The following CLVS1 variants were observed in gnomAD, a reference collection of about 807,000 sequenced individuals.
The protein encoded by CLVS1 is clavesin 1.
Under a neutral mutation model 33.1 loss-of-function variants are expected in CLVS1, and 10 were observed. The observed-to-expected ratio is 0.30, with a 90% CI of 0.19 to 0.51. CLVS1 has a LOEUF of 0.51. Among genes scored for constraint, CLVS1 ranks in the 20% least tolerant of loss-of-function variants. CLVS1 has a pLI of 0.97. For missense variants in CLVS1, 343 were observed against 433.4 expected, an observed-to-expected ratio of 0.79 and a Z score of 1.85; for synonymous variants, 163 against 166.1, an observed-to-expected ratio of 0.98 and a Z score of 0.14.
intron 2 of CLVS1, among the ~76,000 whole-genome samples, chr8:61,229,775 T>C (rs1226297316): frequency 6.6e-6 from 1 of 152,134 alleles, no homozygotes; most frequent in Non-Finnish European, 1.5e-5. Flanking sequence ...GGATTACAGG[T>C]GTCTGCCACC....
chr8:61,123,587 A>AT (rs552988254), intron 1 of CLVS1, among the ~76,000 whole-genome samples: 1 of 152,184 alleles, frequency 6.6e-6, no homozygotes, highest in Non-Finnish European at 1.5e-5. Context: ...AACTATAAAT[A>AT]TTTTTTTCTT....
intron 1 of CLVS1, among the ~76,000 whole-genome samples, chr8:61,068,223 G>GTATATATATA (rs71521932): frequency 3.8e-5 from 4 of 105,176 alleles, no homozygotes; most frequent in African/African-American, 2.1e-4. Flanking sequence ...ATATATGTAT[G>GTATATATATA]TATGTGTATA....
At chr8:61,111,232 A>G (rs546013506) in intron 1 of CLVS1, among the ~76,000 whole-genome samples, 70 of 152,184 alleles carry the variant, frequency 4.6e-4, no homozygotes, top group Non-Finnish European at 6.8e-4. Context: ...ACTGTGCAAA[A>G]TATTAGAAAA....
In CLVS1 at chr8:61,241,319, C is replaced by T. The variant is rs145552663; in HGVS notation, c.-151-58358C>T. Among the ~76,000 whole-genome samples the T allele has an allele frequency of 1.6e-3, 236 of 152,158 alleles. 1 individual carries two copies. The highest frequency in any genetic ancestry group is 5.3e-3 in the African/African-American group (222 of 41,510). On this transcript the variant is annotated intron_variant, in intron 2 of 2. Coordinates refer to the CLVS1 transcript ENST00000522621. Reference sequence around the variant, plus strand: ...AGGTGATTATTTGATGTTTTTAATTCACGAGATGAATTAGATAGATTTTCA... The same window carrying T: ...AGGTGATTATTTGATGTTTTTAATTTACGAGATGAATTAGATAGATTTTCA...
intron 2 of CLVS1, among the ~76,000 whole-genome samples, chr8:61,149,132 C>G (rs554320917): frequency 6.6e-6 from 1 of 152,136 alleles, no homozygotes; most frequent in African/African-American, 2.4e-5. Flanking sequence ...AAGCAAGGGC[C>G]TTGTCTTTCT....
chr8:61,410,865 C>A (rs1036421112), intron 3 of CLVS1, among the ~76,000 whole-genome samples: 7 of 152,150 alleles, frequency 4.6e-5, no homozygotes, highest in African/African-American at 7.2e-5. Context: ...TGGTCTTGAA[C>A]TCCTGACCTC....
At chr8:61,165,561 A>T (rs1380139446) in intron 2 of CLVS1, among the ~76,000 whole-genome samples, 1 of 152,214 alleles carries the variant, frequency 6.6e-6, no homozygotes, top group Non-Finnish European at 1.5e-5. Context: ...CTCTGTGTTT[A>T]AAGGTGGATG....
At chr8:61,386,158 A>G (rs879703375) in intron 3 of CLVS1, among the ~76,000 whole-genome samples, 1 of 152,054 alleles carries the variant, frequency 6.6e-6, no homozygotes, top group Non-Finnish European at 1.5e-5. Flanking sequence ...ATACTTTATA[A>G]CTCCCAGAAT....
intron 2 of CLVS1, among the ~76,000 whole-genome samples, chr8:61,249,914 G>C (rs527934180): frequency 7.0e-4 from 107 of 152,220 alleles, no homozygotes; most frequent in Non-Finnish European, 1.3e-3. Flanking sequence ...AAGCTCTTTA[G>C]TTTAATTCGA....
chr8:61,232,040 T>TTTTTTTTTTTTTTTTTTGTTTTG (rs1808453785), intron 2 of CLVS1, among the ~76,000 whole-genome samples: 1 of 136,368 alleles, frequency 7.3e-6, no homozygotes, highest in African/African-American at 3.1e-5. Context: ...TTTTTTTTTT[T>TTTTTTTTTTTTTTTTTTGTTTTG]TTTTTTTTTT....
At chr8:61,329,579 A>C (rs78318578) in intron 2 of CLVS1, among the ~76,000 whole-genome samples, 3 of 152,188 alleles carry the variant, frequency 2.0e-5, no homozygotes, top group Non-Finnish European at 4.4e-5. Flanking sequence ...AATTACCTTG[A>C]TTTTATTATA....
At chr8:61,437,226 T>C (rs1816363402) in intron 3 of CLVS1, among the ~76,000 whole-genome samples, 2 of 152,314 alleles carry the variant, frequency 1.3e-5, no homozygotes, top group South Asian at 4.1e-4. Flanking sequence ...AATCCCTTCA[T>C]TTGTAAATGA....
intron 1 of CLVS1, among the ~76,000 whole-genome samples, chr8:61,057,470 T>A (rs1011505231): frequency 6.6e-6 from 1 of 152,044 alleles, no homozygotes; most frequent in African/African-American, 2.4e-5. Flanking sequence ...TCTCTGTTTC[T>A]TAGGCCATGC....
chr8:61,475,293 T>C (rs1229976189), intron 5 of CLVS1, among the ~76,000 whole-genome samples: 2 of 152,182 alleles, frequency 1.3e-5, no homozygotes, highest in Non-Finnish European at 2.9e-5. Flanking sequence ...ATGATTTATA[T>C]ACTTTGGGTA....
intron 2 of CLVS1, among the ~76,000 whole-genome samples, chr8:61,211,766 G>A (rs1807975453): frequency 6.6e-6 from 1 of 152,162 alleles, no homozygotes; most frequent in Non-Finnish European, 1.5e-5. Context: ...TTGAGCCAGG[G>A]AGGTTATCCT....
At chr8:61,158,794 C>T (rs911291842) in intron 2 of CLVS1, among the ~76,000 whole-genome samples, 2 of 152,136 alleles carry the variant, frequency 1.3e-5, no homozygotes, top group African/African-American at 4.8e-5. Context: ...ACATGATATA[C>T]AGTAATAAAA....
chr8:61,487,756 A>G (rs986687739), intron 5 of CLVS1, among the ~76,000 whole-genome samples: 4 of 152,272 alleles, frequency 2.6e-5, no homozygotes, highest in Admixed American at 6.5e-5. Context: ...GGCAATGCCA[A>G]AGAAGATCCA....
Position 61,500,615 on chromosome 8 carries a change from T to C in CLVS1, c.*1073T>C, listed in dbSNP as rs946695744. On this transcript the variant is annotated 3_prime_UTR_variant, in exon 6 of 6. Transcript: ENST00000325897. ...CCTTAGAAATGGAGTCCCCAACTAC[T>C]CATTCAAAAGAAATCAGACATAAAA... 2.0e-5 allele frequency: 3 copies of C among 147,610 alleles called. No homozygotes were observed. The highest frequency in any genetic ancestry group is 7.8e-5 in the African/African-American group (3 of 38,350). The allele number at this position is 147,610 out of a possible 1,614,324, so 9.1% of individuals were successfully genotyped here. A position where few individuals can be genotyped will look rare whatever the true frequency, so the allele number is the denominator to read the frequency against.
At chr8:61,297,744 CAGA>C (rs906027432) in intron 1 of CLVS1, among the ~76,000 whole-genome samples, 1 of 151,928 alleles carries the variant, frequency 6.6e-6, no homozygotes, top group African/African-American at 2.4e-5. Flanking sequence ...GGTGTGAGCA[CAGA>C]AGGAGAAGAT....
Sources: gnomAD v4.1 joint callset for allele counts (sites outside exome capture counted in the v4.1 genomes callset) on GRCh38, gnomAD v4.1.1 for gene constraint, MANE v1.5 for transcripts, NCBI Gene and HGNC (gene_info 2026-07-23, HGNC 2026-07-21) for gene names.